Variants in HIVEP3 observed in about 807,000 individuals in gnomAD.
HIVEP3 encodes HIVEP zinc finger 3, also known as transcription factor HIVEP3.
HIVEP3 carries 49 observed loss-of-function variants against 152.8 expected under a neutral mutation model. The observed-to-expected ratio is 0.32, with a 90% CI of 0.26 to 0.41. The LOEUF is 0.41. Ranked by LOEUF, HIVEP3 falls within the 10% of genes least tolerant of loss-of-function variation. The pLI, the probability that HIVEP3 is intolerant of heterozygous loss-of-function variation, is 1.00. For missense variants in HIVEP3, 2,790 were observed against 3,103.3 expected (o/e 0.90, Z 2.40); for synonymous variants, 1,269 against 1,289.0 (o/e 0.98, Z 0.33).
chr1:41,516,506 G>A (rs182663741), intron 7 of HIVEP3, among the ~76,000 whole-genome samples: 7 of 152,260 alleles, frequency 4.6e-5, no homozygotes, highest in African/African-American at 1.7e-4. Flanking sequence ...GCCCCATATG[G>A]GGTCATCTGA....
chr1:41,536,072 G>T (rs962973881), intron 5 of HIVEP3, among the ~76,000 whole-genome samples: 1 of 152,130 alleles, frequency 6.6e-6, no homozygotes, highest in Non-Finnish European at 1.5e-5. Context: ...CTCTGCTCAA[G>T]ATGTCAAAGA....
Position 41,508,690 on chromosome 1 carries a change from C to G in HIVEP3, c.*1761G>C, listed in dbSNP as rs187280237. ...GAATTGGAAGAGGCAAGTACAGCCC[C>G]GCACAGGGAACTCACAGAAGGGTCT... is the stretch of plus-strand genomic sequence containing the variant. On this transcript the variant is annotated 3_prime_UTR_variant, in exon 9 of 9. Transcript: ENST00000372583. 1 of 152,340 alleles carries G rather than the reference C, an allele frequency of 6.6e-6. No individual in the cohort carries two copies. The highest frequency in any genetic ancestry group is 6.5e-5 in the Admixed American group (1 of 15,290). The allele number at this position is 152,340 out of a possible 1,614,324, so 9.4% of individuals were successfully genotyped here.
intron 3 of HIVEP3, among the ~76,000 whole-genome samples, chr1:41,616,250 C>T (rs574077387): frequency 5.6e-4 from 85 of 152,310 alleles, no homozygotes; most frequent in African/African-American, 2.0e-3. Flanking sequence ...CAAGTGGAAC[C>T]ATGTGGGCTC....
chr1:41,627,489 C>T (rs970901863), intron 3 of HIVEP3, among the ~76,000 whole-genome samples: 1 of 152,152 alleles, frequency 6.6e-6, no homozygotes, highest in Non-Finnish European at 1.5e-5. Context: ...CCTTTACCTC[C>T]TCAGGAGAAC....
At chr1:41,809,675 T>G (rs1650833056) in intron 1 of HIVEP3, among the ~76,000 whole-genome samples, 1 of 152,212 alleles carries the variant, frequency 6.6e-6, no homozygotes, top group African/African-American at 2.4e-5. Flanking sequence ...AAAGAATAAA[T>G]GCCCCTTAAT....
chr1:41,622,228 A>G (rs188438381), intron 3 of HIVEP3, among the ~76,000 whole-genome samples: 28 of 152,328 alleles, frequency 1.8e-4, no homozygotes, highest in African/African-American at 6.7e-4. Context: ...GAACTTGCAT[A>G]TATGACCAGG....
intron 1 of HIVEP3, among the ~76,000 whole-genome samples, chr1:41,947,366 C>A (rs561506237): frequency 6.6e-6 from 1 of 152,228 alleles, no homozygotes; most frequent in Non-Finnish European, 1.5e-5. Context: ...TTAAATACTT[C>A]GGGCTAAAAT....
At chr1:41,785,910 C>T (rs537967935) in intron 1 of HIVEP3, among the ~76,000 whole-genome samples, 10 of 152,314 alleles carry the variant, frequency 6.6e-5, no homozygotes, top group South Asian at 2.1e-4. Flanking sequence ...GAAGAAGAAT[C>T]GCTTCAACCC....
Position 41,759,214 on chromosome 1 carries a change from C to A in HIVEP3, c.-800-58219G>T, listed in dbSNP as rs1176425262. Among the ~76,000 whole-genome samples, 3 of 151,326 alleles carry A rather than the reference C, an allele frequency of 2.0e-5. 1 individual carries two copies. Among genetic ancestry groups the A allele is most frequent in the Non-Finnish European group, 4.4e-5 (3 of 67,824 alleles). On this transcript the variant is annotated intron_variant, in intron 1 of 8. Coordinates refer to ENST00000372583, the MANE Select transcript of HIVEP3 (RefSeq NM_024503.5). ...GTCAAAAACTGCAATTACTTTTGCA[C>A]CAACCTAATATCTCTGTAGATTTGC...
intron 5 of HIVEP3, among the ~76,000 whole-genome samples, chr1:41,569,053 C>T (rs1245059290): frequency 1.3e-5 from 2 of 152,172 alleles, no homozygotes; most frequent in Non-Finnish European, 2.9e-5. Flanking sequence ...GTAAGAAGCA[C>T]CTGCTTCCCC....
rs1470444848 is a variant in HIVEP3, at chr1:41,513,031, G to A, written c.6190C>T (p.Pro2064Ser). 3.7e-6 allele frequency: 6 copies of A among 1,613,680 alleles called. No homozygotes were observed. In the South Asian group the frequency reaches 4.4e-5, roughly 12 times the overall value. ...KLEGTTDPGL[P>S]RYSPTRRWSP... ...CATCTCCTGGTGGGCGAGTATCTGGGGAGGCCTGGGTCGGTGGTACCCTCG... is the reference window on the plus strand; with the variant it reads ...CATCTCCTGGTGGGCGAGTATCTGGAGAGGCCTGGGTCGGTGGTACCCTCG... The change falls in exon 8 of 9, where the codon CCC (proline) becomes TCC (serine). Residue 2064 changes from proline (P) to serine (S), a missense_variant. By Grantham distance (74) the Pro-to-Ser change is moderately conservative. Around this residue, in one of 9 missense-constraint regions of HIVEP3, gnomAD observed 816 missense variants for 806.5 expected, o/e 1.01. Transcript: ENST00000372583.
At chr1:41,763,327 TC>T (rs1036229671) in intron 1 of HIVEP3, among the ~76,000 whole-genome samples, 9 of 152,132 alleles carry the variant, frequency 5.9e-5, no homozygotes, top group African/African-American at 1.9e-4. Flanking sequence ...CCAGCTGCCG[TC>T]CCCCTCCTGC....
chr1:41,991,589 T>C (rs902121792), intron 1 of HIVEP3, among the ~76,000 whole-genome samples: 3 of 149,138 alleles, frequency 2.0e-5, no homozygotes, highest in African/African-American at 7.4e-5. Flanking sequence ...ACTGGTACCA[T>C]TCCTTCTGAA....
intron 1 of HIVEP3, among the ~76,000 whole-genome samples, chr1:41,950,056 G>A (rs772554469): frequency 6.6e-6 from 1 of 152,128 alleles, no homozygotes; most frequent in East Asian, 1.9e-4. Context: ...GAAGGTGACC[G>A]CATCCACCTT....
intron 1 of HIVEP3, among the ~76,000 whole-genome samples, chr1:41,814,333 G>A (rs1570593522): frequency 2.0e-5 from 3 of 152,210 alleles, no homozygotes; most frequent in Admixed American, 1.3e-4. Context: ...CGTGGGGACA[G>A]TTCTTCCCCT....
intron 1 of HIVEP3, among the ~76,000 whole-genome samples, chr1:41,880,381 A>T (rs1644242634): frequency 6.6e-6 from 1 of 152,184 alleles, no homozygotes; most frequent in Non-Finnish European, 1.5e-5. Context: ...ATTTGAACCT[A>T]GGGGCCTGAC....
intron 1 of HIVEP3, among the ~76,000 whole-genome samples, chr1:41,777,018 T>C (rs1199881538): frequency 6.6e-6 from 1 of 152,160 alleles, no homozygotes; most frequent in Non-Finnish European, 1.5e-5. Flanking sequence ...AGCCCAGGAC[T>C]TGGACTCCTG....
intron 1 of HIVEP3, among the ~76,000 whole-genome samples, chr1:41,850,514 C>T (rs59755338): frequency 6.6e-6 from 1 of 152,214 alleles, no homozygotes; most frequent in African/African-American, 2.4e-5. Flanking sequence ...CCCAGCAGCA[C>T]TACTCTCAAA....
intron 5 of HIVEP3, among the ~76,000 whole-genome samples, chr1:41,568,084 C>A (rs941703499): frequency 5.9e-5 from 9 of 152,234 alleles, no homozygotes; most frequent in Admixed American, 3.3e-4. Context: ...ATGTGCCAGG[C>A]ACTATTCTCA....
Sources: allele counts gnomAD v4.1 joint callset (sites outside exome capture counted in the v4.1 genomes callset), GRCh38; gene constraint gnomAD v4.1.1; regional missense constraint gnomAD v4.1.1; transcripts MANE v1.5; gene names NCBI Gene and HGNC (gene_info 2026-07-23, HGNC 2026-07-21).